NCAPD3: variants seen among roughly 807,000 people sequenced by gnomAD.
NCAPD3 encodes the protein condensin-2 complex subunit D3.
In NCAPD3, 105 loss-of-function variants were observed where a neutral mutation model predicts 182.9. That is an observed-to-expected ratio of 0.57 (90% CI 0.49 to 0.68). NCAPD3 has a LOEUF of 0.68. Ranked by LOEUF, NCAPD3 falls within the 30% of genes least tolerant of loss-of-function variation. NCAPD3 has a pLI of 0.00. For missense variants in NCAPD3, 1,944 were observed against 1,837.0 expected, an observed-to-expected ratio of 1.06 and a Z score of -1.07; for synonymous variants, 815 against 679.9, an observed-to-expected ratio of 1.20 and a Z score of -3.09.
intron 27 of NCAPD3, among the ~76,000 whole-genome samples, chr11:134,162,882 G>A (rs905081987): frequency 1.3e-5 from 2 of 152,174 alleles, no homozygotes; most frequent in East Asian, 3.9e-4. Flanking sequence ...TAAGTGGCAG[G>A]GTGTTAGGGA....
chr11:134,160,915 A>T (rs1210368961), intron 28 of NCAPD3, among the ~76,000 whole-genome samples: 3 of 151,620 alleles, frequency 2.0e-5, no homozygotes, highest in African/African-American at 7.3e-5. Context: ...TAAGTGTTTA[A>T]GTAGTCTATG....
At position 134,158,389 on chromosome 11, in the gene NCAPD3, A is replaced by G; in HGVS notation, c.3974T>C (p.Val1325Ala). 1 of 1,614,206 alleles carries G rather than the reference A, an allele frequency of 6.2e-7. No homozygotes were observed. The change falls in exon 30 of 35, where the codon GTA becomes GCA. Residue 1325 changes from valine to alanine, a missense_variant. By Grantham distance (64) the Val-to-Ala change is moderately conservative. Transcript: ENST00000534548. Reference sequence around the variant, plus strand: ...TTCAGGTGTAGGAGATGATACTGCTACATGGCCAGCACTTGCCCTGGGTGT... The same window carrying G: ...TTCAGGTGTAGGAGATGATACTGCTGCATGGCCAGCACTTGCCCTGGGTGT... ...PCTPRASAGH[V>A]AVSSPTPETG...
intron 24 of NCAPD3, among the ~76,000 whole-genome samples, chr11:134,174,695 T>C (rs1944117136): frequency 1.3e-5 from 2 of 152,120 alleles, no homozygotes; most frequent in South Asian, 2.1e-4. Flanking sequence ...ATAACAACAA[T>C]TTACTGTCTA....
intron 24 of NCAPD3, 50 bp downstream of exon 24, chr11:134,176,257 T>A (rs1329683396): frequency 6.6e-7 from 1 of 1,517,754 alleles, no homozygotes; most frequent in Non-Finnish European, 9.1e-7. Context: ...CCAGCATACA[T>A]CAGAAATGAG....
At chr11:134,162,704 G>A (rs1003346567) in intron 27 of NCAPD3, among the ~76,000 whole-genome samples, 3 of 152,212 alleles carry the variant, frequency 2.0e-5, no homozygotes, top group South Asian at 4.1e-4. Flanking sequence ...CAGATGTTAT[G>A]TTCAGGAATA....
intron 24 of NCAPD3, among the ~76,000 whole-genome samples, chr11:134,172,135 GCCTCCA>G (rs1354575669): frequency 6.6e-6 from 1 of 152,070 alleles, no homozygotes; most frequent in Non-Finnish European, 1.5e-5. Flanking sequence ...CTGTTAAGAC[GCCTCCA>G]CCTCCACCTC....
intron 16 of NCAPD3, among the ~76,000 whole-genome samples, chr11:134,186,352 C>T (rs1298232704): frequency 6.6e-6 from 1 of 152,038 alleles, no homozygotes; most frequent in African/African-American, 2.4e-5. Flanking sequence ...GCATGGTCAC[C>T]ATACCTGGCT....
intron 3 of NCAPD3, among the ~76,000 whole-genome samples, chr11:134,214,954 A>G (rs1937962818): frequency 6.6e-6 from 1 of 152,236 alleles, no homozygotes; most frequent in African/African-American, 2.4e-5. Context: ...AATATAGACA[A>G]AAAACCTTCA....
intron 24 of NCAPD3, among the ~76,000 whole-genome samples, chr11:134,175,940 A>C (rs966175209): frequency 2.0e-5 from 3 of 151,810 alleles, no homozygotes; most frequent in South Asian, 4.2e-4. Flanking sequence ...CTTTATCAAA[A>C]TTAACTTTTT....
At chr11:134,208,261 T>C (rs547034752) in intron 7 of NCAPD3, among the ~76,000 whole-genome samples, 104 of 152,322 alleles carry the variant, frequency 6.8e-4, no homozygotes, top group African/African-American at 2.4e-3. Flanking sequence ...TATTGTTTCA[T>C]TTAAGACATC....
intron 27 of NCAPD3, among the ~76,000 whole-genome samples, chr11:134,167,152 CACTA>C (rs1943854669): frequency 1.7e-5 from 2 of 114,776 alleles, no homozygotes; most frequent in Non-Finnish European, 3.8e-5. Context: ...GGGGCACACT[CACTA>C]GTGAGGTGAG....
At position 134,177,443 on chromosome 11, in the gene NCAPD3, G is replaced by A; in HGVS notation, c.2797C>T (p.Gln933Ter). The change falls in exon 23 of 35, where the codon CAG (glutamine) becomes TAG (stop). Residue 933 changes from glutamine to a stop codon, truncating the protein, a stop_gained. Coordinates refer to ENST00000534548, the MANE Select transcript of NCAPD3 (RefSeq NM_015261.3). LOFTEE classifies it high-confidence loss of function. ...AIITLGKLCL[Q>*]HEDLAKKSIP... ...CTCTTCTTTGCCAGATCCTCGTGCT[G>A]TAAGCACAGCTTACCTGGCACAGAA... The A allele has an allele frequency of 1.9e-6, 3 of 1,613,418 alleles. No individual in the cohort carries two copies. The highest frequency in any genetic ancestry group is 2.5e-6 in the Non-Finnish European group (3 of 1,179,402).
intron 27 of NCAPD3, 86 bp downstream of exon 27, chr11:134,167,910 G>C (rs1943902900): frequency 2.5e-6 from 3 of 1,196,064 alleles, no homozygotes; most frequent in East Asian, 2.3e-5. Context: ...AGATGAGCTT[G>C]GGGGAGGTGC....
In NCAPD3 at chr11:134,168,055, C is replaced by G; in HGVS notation, c.3514G>C (p.Asp1172His). 1 of 1,614,058 alleles carries G rather than the reference C, an allele frequency of 6.2e-7. No homozygotes were observed. The highest frequency in any genetic ancestry group is 8.5e-7 in the Non-Finnish European group (1 of 1,179,908). ...KPDKDLLMEE[D>H]DMALANVVMQ... ...ACTACATTTGCCAAGGCCATGTCAT[C>G]TTCTTCCATAAGGAGGTCTTTGTCT... is the stretch of plus-strand genomic sequence containing the variant. The change falls in exon 27 of 35, where the codon GAT (aspartate) becomes CAT (histidine). Residue 1172 changes from aspartate (D) to histidine (H), a missense_variant. By Grantham distance (81) the Asp-to-His change is moderately conservative. Around this residue, in one of 3 missense-constraint regions of NCAPD3, gnomAD observed 1,803 missense variants for 1,674.6 expected, o/e 1.08. Coordinates refer to ENST00000534548, the MANE Select transcript of NCAPD3 (RefSeq NM_015261.3).
chr11:134,206,105 G>C (rs1937607215), intron 8 of NCAPD3, among the ~76,000 whole-genome samples: 1 of 152,188 alleles, frequency 6.6e-6, no homozygotes, highest in Admixed American at 6.5e-5. Context: ...AGGAAAAGTA[G>C]TCTAACACTT....
At chr11:134,210,064 AAAGAAAAAGAAAAAAGG>A (rs1937772249) in intron 4 of NCAPD3, among the ~76,000 whole-genome samples, 189 bp downstream of exon 4, 1 of 152,210 alleles carries the variant, frequency 6.6e-6, no homozygotes, top group Non-Finnish European at 1.5e-5. Flanking sequence ...TCAAAAAGAA[AAAGAAAAAGAAAAAAGG>A]AAGAAAGTAA....
chr11:134,179,443 A>G (rs1010404961), intron 20 of NCAPD3, among the ~76,000 whole-genome samples: 7 of 152,238 alleles, frequency 4.6e-5, no homozygotes, highest in African/African-American at 1.2e-4. Flanking sequence ...CATATGTTTA[A>G]TGACTACATA....
intron 13 of NCAPD3, among the ~76,000 whole-genome samples, chr11:134,201,144 C>T (rs1944739953): frequency 2.0e-5 from 3 of 151,836 alleles, no homozygotes; most frequent in African/African-American, 7.3e-5. Context: ...CCTGCCTCTG[C>T]CTCCTCATAG....
Position 134,157,066 on chromosome 11 carries a change from T to C in NCAPD3, c.4204A>G (p.Asn1402Asp), listed in dbSNP as rs1307063836. 1.2e-6 allele frequency: 2 copies of C among 1,613,684 alleles called. No homozygotes were observed. Among genetic ancestry groups the C allele is most frequent in the South Asian group, 2.2e-5 (2 of 90,972 alleles). Residue 1402 changes from asparagine (N) to aspartate (D), a missense_variant, in exon 32 of 35, where the codon AAT (asparagine) becomes GAT (aspartate). Physicochemically the swap from Asn to Asp is conservative, Grantham distance 23. Around this residue, in one of 3 missense-constraint regions of NCAPD3, gnomAD observed 1,803 missense variants for 1,674.6 expected, o/e 1.08. Transcript: ENST00000534548. ...TTGGTCACGTGCTCAATCTCGCCAT[T>C]CGACTCTTGCTCCAAACTGTATGAA... ...VSSYSLEQESNGEIEHVTKRA... is the reference protein window; with the variant it reads ...VSSYSLEQESDGEIEHVTKRA...
Sources: allele counts gnomAD v4.1 joint callset (sites outside exome capture counted in the v4.1 genomes callset), GRCh38; gene constraint gnomAD v4.1.1; regional missense constraint gnomAD v4.1.1; transcripts MANE v1.5; gene names NCBI Gene and HGNC (gene_info 2026-07-23, HGNC 2026-07-21).